Variants in BIN3 observed in about 807,000 individuals in gnomAD.
BIN3 encodes bridging integrator 3.
In BIN3, 41 loss-of-function variants were observed where a neutral mutation model predicts 38.2. The observed-to-expected ratio is 1.07, with a 90% CI of 0.84 to 1.39. The LOEUF (loss-of-function observed/expected upper bound fraction) is 1.39, where lower values mean the gene tolerates loss of function less well. BIN3 is among the 40% of genes most tolerant of loss of function. The pLI is 0.00. For synonymous variants in BIN3, 145 were observed against 122.6 expected, an observed-to-expected ratio of 1.18 and a Z score of -1.21; for missense variants, 361 against 324.3, an observed-to-expected ratio of 1.11 and a Z score of -0.87.
At position 22,637,006 on chromosome 8, in the gene BIN3, C is replaced by A. The variant is rs187737288; in HGVS notation, c.58-44G>T. On this transcript the variant is annotated intron_variant, in intron 2 of 8. Transcript: ENST00000276416. ...CTCAATTATCGGAGAAATGACAACA[C>A]GGTGGAAAAAACCTCCCAGCCTCCT... is the stretch of plus-strand genomic sequence containing the variant. 77 of 1,593,632 alleles carry A rather than the reference C, an allele frequency of 4.8e-5. No individual in the cohort carries two copies. The East Asian group carries it at 1.7e-3, about 35-fold the overall frequency.
At chr8:22,622,324 TGAG>T (rs1335015947) in intron 8 of BIN3, among the ~76,000 whole-genome samples, 1 of 152,178 alleles carries the variant, frequency 6.6e-6, no homozygotes, top group Non-Finnish European at 1.5e-5. Context: ...ACTCTAGACA[TGAG>T]GAGGAGCTCT....
At chr8:22,667,954 A>C (rs1427549184) in intron 1 of BIN3, among the ~76,000 whole-genome samples, 2 of 152,222 alleles carry the variant, frequency 1.3e-5, no homozygotes, top group Non-Finnish European at 1.5e-5. Context: ...CTGTTATCTT[A>C]ATTCATTCAT....
intron 2 of BIN3, among the ~76,000 whole-genome samples, chr8:22,644,328 C>G (rs991589240): frequency 1.3e-5 from 2 of 152,206 alleles, no homozygotes; most frequent in Non-Finnish European, 2.9e-5. Flanking sequence ...ACAAACAGGC[C>G]GAGGCCACTG....
At chr8:22,638,241 C>G (rs1487052650) in intron 2 of BIN3, among the ~76,000 whole-genome samples, 1 of 152,216 alleles carries the variant, frequency 6.6e-6, no homozygotes, top group East Asian at 1.9e-4. Flanking sequence ...GCCCCTTAAC[C>G]TTAGCACTCC....
chr8:22,654,299 G>T (rs1297785499), intron 1 of BIN3, among the ~76,000 whole-genome samples: 1 of 152,142 alleles, frequency 6.6e-6, no homozygotes, highest in Non-Finnish European at 1.5e-5. Context: ...TAAATTAGAT[G>T]TATGTATTCA....
At chr8:22,640,843 G>C (rs1262533818) in intron 2 of BIN3, among the ~76,000 whole-genome samples, 1 of 152,136 alleles carries the variant, frequency 6.6e-6, no homozygotes, top group Non-Finnish European at 1.5e-5. Context: ...TGAGGAACTT[G>C]AGGTCTCACA....
At chr8:22,636,344 G>A (rs942220466) in intron 4 of BIN3, among the ~76,000 whole-genome samples, 181 bp downstream of exon 4, 10 of 152,208 alleles carry the variant, frequency 6.6e-5, no homozygotes, top group Non-Finnish European at 1.2e-4. Flanking sequence ...GGGGCAGTGC[G>A]AGCTCTGTGC....
At chr8:22,658,874 C>T (rs868663929) in intron 1 of BIN3, among the ~76,000 whole-genome samples, 9 of 152,160 alleles carry the variant, frequency 5.9e-5, no homozygotes, top group African/African-American at 1.9e-4. Flanking sequence ...CCTGGCTCCC[C>T]GGTGAGTGGT....
chr8:22,657,758 GCTCTTGTAC>G (rs1487068023), intron 1 of BIN3, among the ~76,000 whole-genome samples: 1 of 152,260 alleles, frequency 6.6e-6, no homozygotes, highest in Non-Finnish European at 1.5e-5. Flanking sequence ...ACTTCAGCAG[GCTCTTGTAC>G]CTCTTCTTCC....
chr8:22,649,026 CAGTGGAGGAACTTACATT>C (rs1802801550), intron 1 of BIN3, among the ~76,000 whole-genome samples: 1 of 152,146 alleles, frequency 6.6e-6, no homozygotes, highest in Admixed American at 6.6e-5. Flanking sequence ...GCCCTAGAAT[CAGTGGAGGAACTTACATT>C]AGTATTCAAT....
chr8:22,644,890 C>T, intron 1 of BIN3, 87 bp from the exon 2 acceptor site: 1 of 1,225,260 alleles, frequency 8.2e-7, no homozygotes, highest in South Asian at 1.3e-5. Flanking sequence ...GCCACTTTCC[C>T]CCAGGAGGGC....
chr8:22,658,672 A>G (rs1473603057), intron 1 of BIN3, among the ~76,000 whole-genome samples: 1 of 152,130 alleles, frequency 6.6e-6, no homozygotes. Context: ...CCTACTAAAC[A>G]TGGATAAGCC....
rs186480997 is a variant in BIN3, at chr8:22,635,584, G to A, written c.160+941C>T. ...GAGCGGACACCCCGAGAGCTGACCC[G>A]TGCCAGGCCCTGTTCTCAGTGCTTT... is the stretch of plus-strand genomic sequence containing the variant. On this transcript the variant is annotated intron_variant, in intron 4 of 8. Coordinates refer to ENST00000276416, the MANE Select transcript of BIN3 (RefSeq NM_018688.6). Among the ~76,000 whole-genome samples, 34 of 152,152 alleles carry A rather than the reference G, an allele frequency of 2.2e-4. No homozygotes were observed. The East Asian group carries it at 6.4e-3, about 29-fold the overall frequency.
rs190057427 is a variant in BIN3, at chr8:22,659,890, C to T, written c.8+9154G>A. ...ACACAGTAAGCAGTCTGTTTTTTTG[C>T]GAAGGTAGTAGTGGTATTTTGATGA... On this transcript the variant is annotated intron_variant, in intron 1 of 8. Coordinates refer to ENST00000276416, the MANE Select transcript of BIN3 (RefSeq NM_018688.6). 7.8e-4 allele frequency among the ~76,000 whole-genome samples: 118 copies of T among 152,068 alleles called. 1 individual carries two copies. The East Asian group carries it at 0.02, about 26-fold the overall frequency.
chr8:22,624,058 C>G lies in BIN3; in HGVS notation c.481-9G>C, dbSNP rs372140015. ...CGCAGCTCCTCTCGTGCCTAGGGAACAAGACCTGGGTGTCAAAACTCTCTC... is the reference window on the plus strand; with the variant it reads ...CGCAGCTCCTCTCGTGCCTAGGGAAGAAGACCTGGGTGTCAAAACTCTCTC... On this transcript the variant is annotated splice_polypyrimidine_tract_variant and intron_variant, in intron 7 of 8. Coordinates refer to ENST00000276416, the MANE Select transcript of BIN3 (RefSeq NM_018688.6). 1.3e-6 allele frequency: 2 copies of G among 1,555,764 alleles called. No individual in the cohort carries two copies. Among genetic ancestry groups the G allele is most frequent in the Admixed American group, 1.7e-5 (1 of 58,072 alleles).
intron 2 of BIN3, chr8:22,644,541 G>T (rs1035916599): frequency 5.6e-6 from 3 of 540,428 alleles, no homozygotes; most frequent in Non-Finnish European, 1.0e-5. Flanking sequence ...GGATGATAAA[G>T]AGCCCAGGCT....
At chr8:22,642,825 A>G (rs988815333) in intron 2 of BIN3, among the ~76,000 whole-genome samples, 3 of 152,192 alleles carry the variant, frequency 2.0e-5, no homozygotes, top group Non-Finnish European at 4.4e-5. Context: ...CTTAACCCCT[A>G]CCTGACCCCC....
At chr8:22,665,341 C>G (rs1803381946) in intron 1 of BIN3, among the ~76,000 whole-genome samples, 1 of 152,202 alleles carries the variant, frequency 6.6e-6, no homozygotes, top group Admixed American at 6.5e-5. Flanking sequence ...AGGCCCCATT[C>G]ATATATTTAA....
rs568863061 is a variant in BIN3, at chr8:22,648,898, T to TGTAC, written c.9-4096_9-4095insGTAC. 3.7e-4 allele frequency among the ~76,000 whole-genome samples: 26 copies of TGTAC among 70,092 alleles called. No individual in the cohort carries two copies. In the South Asian group the frequency reaches 9.3e-3, roughly 25 times the overall value. 46.0% of individuals were successfully genotyped at this position (70,092 alleles called of 152,430 possible). On this transcript the variant is annotated intron_variant, in intron 1 of 8. Coordinates refer to ENST00000276416, the MANE Select transcript of BIN3 (RefSeq NM_018688.6). ...CCTTTGACATATCCACATCAACGTA[T>TGTAC]GTATGTATGTATGTATGTATGTATG...
Sources: gnomAD v4.1 joint callset for allele counts (sites outside exome capture counted in the v4.1 genomes callset) on GRCh38, gnomAD v4.1.1 for gene constraint, MANE v1.5 for transcripts, NCBI Gene and HGNC (gene_info 2026-07-23, HGNC 2026-07-21) for gene names.